The following ABCA10 variants were observed in gnomAD, a reference collection of about 807,000 sequenced individuals.
ABCA10 encodes the protein ATP-binding cassette sub-family A member 10.
A neutral mutation model predicts 187.5 loss-of-function variants in ABCA10; 169 were observed. The observed-to-expected ratio is 0.90, with a 90% confidence interval of 0.80 to 1.02. The LOEUF (loss-of-function observed/expected upper bound fraction) is 1.02. ABCA10 is among the 50% of genes least tolerant of loss of function. ABCA10 has a pLI of 0.00. For missense variants in ABCA10, 1,727 were observed against 1,812.4 expected, an observed-to-expected ratio of 0.95 and a Z score of 0.86; for synonymous variants, 574 against 601.8, an observed-to-expected ratio of 0.95 and a Z score of 0.68.
At chr17:69,211,362 C>T (rs9896814) in intron 9 of ABCA10, among the ~76,000 whole-genome samples, 763 of 15,374 alleles carry the variant, frequency 0.05, 23 homozygotes, top group African/African-American at 0.16. Flanking sequence ...TATATATATA[C>T]ACACACACCA....
upstream of ABCA10, among the ~76,000 whole-genome samples, chr17:69,230,624 CTT>C (rs1188196472): frequency 5.9e-5 from 9 of 152,186 alleles, no homozygotes; most frequent in East Asian, 1.9e-4. Flanking sequence ...CTTCCTTACT[CTT>C]GAGTCCTTGA....
chr17:69,197,460 T>C (rs2074514438), intron 10 of ABCA10, among the ~76,000 whole-genome samples: 1 of 152,204 alleles, frequency 6.6e-6, no homozygotes, highest in African/African-American at 2.4e-5. Flanking sequence ...TGAATCCCTC[T>C]CAATCATTAT....
At chr17:69,165,243 C>T (rs2074247065) in intron 25 of ABCA10, among the ~76,000 whole-genome samples, 160 bp from the exon 26 acceptor site, 1 of 152,132 alleles carries the variant, frequency 6.6e-6, no homozygotes, top group South Asian at 2.1e-4. Flanking sequence ...AAGTCTCAAA[C>T]TTTCACTGCA....
chr17:69,193,776 T>C, intron 13 of ABCA10, 38 bp downstream of exon 13: 1 of 1,592,018 alleles, frequency 6.3e-7, no homozygotes. Flanking sequence ...CAAAAGTAAA[T>C]TATTTCCAAA....
At chr17:69,186,612 A>G (rs2074423882) in intron 19 of ABCA10, among the ~76,000 whole-genome samples, 1 of 152,174 alleles carries the variant, frequency 6.6e-6, no homozygotes, top group Non-Finnish European at 1.5e-5. Context: ...AAAACCTTTA[A>G]TAACTTCCCT....
intron 16 of ABCA10, 34 bp downstream of exon 16, chr17:69,192,529 C>T (rs1194220292): frequency 6.5e-7 from 1 of 1,535,220 alleles, no homozygotes; most frequent in Non-Finnish European, 8.9e-7. Context: ...TATTAATATG[C>T]TCATTTAAAA....
rs2074473504 is a variant in ABCA10 at position 69,193,150 on chromosome 17, G to T, written c.1740C>A (p.Leu580=). ...LKEHKVDRLI[L]FSTQFMDEAD... ...CCTCATCCATGAATTGGGTACTGAA[G>T]AGGATAAGTCGGTCTACTTTATGCT... Residue 580 remains leucine (L), a synonymous_variant, in exon 15 of 39, where the codon CTC becomes CTA. Coordinates refer to ENST00000690296, the MANE Select transcript of ABCA10 (RefSeq NM_001377321.1). The T allele has an allele frequency of 6.2e-7, 1 of 1,613,318 alleles. No homozygotes were observed. The highest frequency in any genetic ancestry group is 1.3e-5 in the African/African-American group (1 of 75,024).
At chr17:69,159,552 G>C (rs761773989) in intron 27 of ABCA10, among the ~76,000 whole-genome samples, 1 of 152,122 alleles carries the variant, frequency 6.6e-6, no homozygotes, top group East Asian at 1.9e-4. Flanking sequence ...AAGTGGGAGA[G>C]GATTCATCAC....
chr17:69,194,937 G>A (rs1166940836), intron 11 of ABCA10, among the ~76,000 whole-genome samples: 1 of 152,150 alleles, frequency 6.6e-6, no homozygotes, highest in Non-Finnish European at 1.5e-5. Context: ...TATTCGGAGG[G>A]AGGTAGAACT....
chr17:69,200,887 A>AT (rs1310380738), intron 10 of ABCA10, among the ~76,000 whole-genome samples: 3 of 152,038 alleles, frequency 2.0e-5, no homozygotes, highest in Non-Finnish European at 4.4e-5. Flanking sequence ...TAATTTTTGT[A>AT]TTTTTTGTAA....
At chr17:69,169,085 C>G (rs1034591172) in intron 25 of ABCA10, among the ~76,000 whole-genome samples, 1 of 152,164 alleles carries the variant, frequency 6.6e-6, no homozygotes, top group Non-Finnish European at 1.5e-5. Flanking sequence ...ATAGTTTATG[C>G]TCTTTTAAAA....
chr17:69,223,525 C>T, intron 3 of ABCA10: 2 of 307,436 alleles, frequency 6.5e-6, no homozygotes, highest in Non-Finnish European at 1.3e-5. Flanking sequence ...TCCTTTTTCA[C>T]GTTTATGTAT....
At chr17:69,198,533 T>G (rs2074522299) in intron 10 of ABCA10, among the ~76,000 whole-genome samples, 1 of 152,184 alleles carries the variant, frequency 6.6e-6, no homozygotes, top group Non-Finnish European at 1.5e-5. Flanking sequence ...CAGATTGAGA[T>G]AACTGGTGAG....
rs1845291485 is a variant in ABCA10 at position 69,216,358 on chromosome 17, C to CATAG, written c.531-1_531insCTAT (p.Trp177CysfsTer43). 5 of 1,606,396 alleles carry CATAG rather than the reference C, an allele frequency of 3.1e-6. No individual in the cohort carries two copies. Among genetic ancestry groups the CATAG allele is most frequent in the Non-Finnish European group, 4.2e-6 (5 of 1,177,074 alleles). On this transcript the variant is annotated frameshift_variant and splice_region_variant. Transcript: ENST00000690296. LOFTEE classifies it high-confidence loss of function. ...AAATGTATGTCAATCCCCAGGAGAGCCTATAGTAGAAACAAGGTGTTAGTT... is the reference window on the plus strand; with the variant it reads ...AAATGTATGTCAATCCCCAGGAGAGCATAGCTATAGTAGAAACAAGGTGTTAGTT...
In ABCA10 at chr17:69,215,807, G is replaced by T; in HGVS notation, c.858+8C>A. 1 of 1,514,038 alleles carries T rather than the reference G, an allele frequency of 6.6e-7. No individual in the cohort carries two copies. Among genetic ancestry groups the T allele is most frequent in the East Asian group, 2.4e-5 (1 of 41,114 alleles). 93.8% of individuals were successfully genotyped at this position (1,514,038 alleles called of 1,614,324 possible). The stretch of plus-strand genomic sequence containing the variant: ...AATAATAAAATCTTGAAATAATTAT[G>T]TTCTTACCTGGGCCATTCCAGCAGT... On this transcript the variant is annotated splice_region_variant and intron_variant, in intron 8 of 38. Transcript: ENST00000690296.
intron 22 of ABCA10, among the ~76,000 whole-genome samples, chr17:69,176,106 G>A (rs1481178382): frequency 2.0e-5 from 3 of 152,156 alleles, no homozygotes; most frequent in Admixed American, 1.3e-4. Context: ...GAGGGCATGA[G>A]CAGTTTCTCT....
intron 26 of ABCA10, 133 bp downstream of exon 26, chr17:69,164,831 A>T: frequency 1.7e-6 from 2 of 1,197,802 alleles, no homozygotes; most frequent in Non-Finnish European, 2.3e-6. Flanking sequence ...CAGCTTTAAA[A>T]TCTTATTTTT....
intron 35 of ABCA10, 43 bp downstream of exon 35, chr17:69,152,319 A>G (rs767537521): frequency 6.9e-6 from 11 of 1,593,100 alleles, no homozygotes; most frequent in African/African-American, 6.8e-5. Flanking sequence ...AACTCTCTCT[A>G]TAAGAACATG....
chr17:69,217,978 T>C (rs2074718805), intron 6 of ABCA10, among the ~76,000 whole-genome samples: 2 of 152,208 alleles, frequency 1.3e-5, no homozygotes, highest in African/African-American at 2.4e-5. Context: ...ATCTGCTATC[T>C]TGTACCCTTG....
Sources: allele counts gnomAD v4.1 joint callset (sites outside exome capture counted in the v4.1 genomes callset), GRCh38; gene constraint gnomAD v4.1.1; transcripts MANE v1.5; gene names NCBI Gene and HGNC (gene_info 2026-07-23, HGNC 2026-07-21).